The following CMKLR1 variants were observed in gnomAD, a reference collection of about 807,000 sequenced individuals.
CMKLR1 encodes the protein chemerin-like receptor 1.
Under a neutral mutation model 8.2 loss-of-function variants are expected in CMKLR1, and 6 were observed. The observed-to-expected ratio is 0.73, with a 90% CI of 0.40 to 1.44. CMKLR1 has a LOEUF of 1.44. CMKLR1 is among the 40% of genes most tolerant of loss of function. The pLI is 0.02. For synonymous variants in CMKLR1, 178 were observed against 181.2 expected, an observed-to-expected ratio of 0.98 and a Z score of 0.14; for missense variants, 429 against 478.0, an observed-to-expected ratio of 0.90 and a Z score of 0.96.
chr12:108,316,852 T>C (rs1593172306), intron 2 of CMKLR1, among the ~76,000 whole-genome samples: 1 of 152,180 alleles, frequency 6.6e-6, no homozygotes, highest in Non-Finnish European at 1.5e-5. Context: ...GAACCGCCAG[T>C]GGGAGCTCAA....
Position 108,289,998 on chromosome 12 carries a change from CAAGG to C in CMKLR1, c.*1839_*1842del, listed in dbSNP as rs1890916747. The C allele has an allele frequency of 6.6e-6, 1 of 152,228 alleles. No individual in the cohort carries two copies. The highest frequency in any genetic ancestry group is 1.5e-5 in the Non-Finnish European group (1 of 68,042). 9.4% of individuals were successfully genotyped at this position (152,228 alleles called of 1,614,324 possible). A position where few individuals can be genotyped will look rare whatever the true frequency, so the allele number is the denominator to read the frequency against. ...TAGGAGCCAAAGGGCCTCAGGCCCA[CAAGG>C]GACTGCCTCCTGCCAGCTTTCCCTC... On this transcript the variant is annotated 3_prime_UTR_variant, in exon 4 of 4. Transcript: ENST00000550402.
At chr12:108,331,725 G>A (rs966428630) in intron 1 of CMKLR1, among the ~76,000 whole-genome samples, 1 of 152,202 alleles carries the variant, frequency 6.6e-6, no homozygotes, top group Non-Finnish European at 1.5e-5. Flanking sequence ...GTGATTTGAT[G>A]TGACGAGGAC....
intron 2 of CMKLR1, among the ~76,000 whole-genome samples, chr12:108,302,072 C>T (rs145143724): frequency 6.6e-5 from 10 of 152,298 alleles, no homozygotes; most frequent in African/African-American, 1.9e-4. Context: ...CAAAAAACAG[C>T]GACCCTGACA....
At position 108,293,621 on chromosome 12, in the gene CMKLR1, T is replaced by C; in HGVS notation, c.-30A>G. 2.6e-6 allele frequency: 4 copies of C among 1,545,390 alleles called. No homozygotes were observed. The highest frequency in any genetic ancestry group is 3.5e-6 in the Non-Finnish European group (4 of 1,146,318). On this transcript the variant is annotated 5_prime_UTR_variant, in exon 3 of 4. Transcript: ENST00000550402. ...CGTTATGTTGTCTGCAGCTCTCCAA[T>C]GTGAGTCCTCAGCCAATCAGTCCCT...
rs2280169 is a variant in CMKLR1, at chr12:108,290,853, T to C, written c.*988A>G. 0.53 allele frequency: 80,577 copies of C among 152,192 alleles called. 22,044 individuals carry two copies. Among genetic ancestry groups the C allele is most frequent in the African/African-American group, 0.66 (27,572 of 41,494 alleles). The allele number at this position is 152,192 out of a possible 1,614,324, so 9.4% of individuals were successfully genotyped here. Reference sequence around the variant, plus strand: ...GCTTCCCAAAGCTGCATTTTGGACCTGTCTCCAAAGGCGTTGAGGAAATTA... The same window carrying C: ...GCTTCCCAAAGCTGCATTTTGGACCCGTCTCCAAAGGCGTTGAGGAAATTA... On this transcript the variant is annotated 3_prime_UTR_variant, in exon 4 of 4. Transcript: ENST00000550402.
At chr12:108,335,274 T>C (rs1892194326) in intron 1 of CMKLR1, among the ~76,000 whole-genome samples, 1 of 152,162 alleles carries the variant, frequency 6.6e-6, no homozygotes, top group South Asian at 2.1e-4. Flanking sequence ...CTGGCCTCCT[T>C]TGCAACTAGA....
intron 2 of CMKLR1, among the ~76,000 whole-genome samples, chr12:108,319,482 C>CACTT (rs1228587891): frequency 3.3e-5 from 5 of 152,228 alleles, no homozygotes; most frequent in African/African-American, 1.2e-4. Flanking sequence ...CCAGCTCTGT[C>CACTT]ACTTACTACC....
chr12:108,319,922 G>A lies in CMKLR1; in HGVS notation c.-74+10073C>T, dbSNP rs1593173996. 2.0e-5 allele frequency among the ~76,000 whole-genome samples: 3 copies of A among 152,272 alleles called. No individual in the cohort carries two copies. In the South Asian group the frequency reaches 6.2e-4, roughly 32 times the overall value. ...ACTGAGCACATATTACCTGCCAGGTGTCAGGCTGGGAGATAGAATACAAAG... is the reference window on the plus strand; with the variant it reads ...ACTGAGCACATATTACCTGCCAGGTATCAGGCTGGGAGATAGAATACAAAG... On this transcript the variant is annotated intron_variant, in intron 2 of 3. Transcript: ENST00000550402.
At chr12:108,335,052 T>A (rs1186782851) in intron 1 of CMKLR1, among the ~76,000 whole-genome samples, 7 of 152,144 alleles carry the variant, frequency 4.6e-5, no homozygotes, top group Non-Finnish European at 8.8e-5. Context: ...ATAGGTGATG[T>A]TGTGAGTCCA....
At chr12:108,305,240 G>A (rs973238194) in intron 2 of CMKLR1, among the ~76,000 whole-genome samples, 5 of 152,226 alleles carry the variant, frequency 3.3e-5, no homozygotes, top group Admixed American at 6.5e-5. Context: ...CTGCCTCAGT[G>A]TGATCCACAT....
chr12:108,312,497 G>C (rs988716671), intron 2 of CMKLR1, among the ~76,000 whole-genome samples: 1 of 152,170 alleles, frequency 6.6e-6, no homozygotes, highest in African/African-American at 2.4e-5. Flanking sequence ...GAGAGTCTGG[G>C]GCTCATGGAA....
At chr12:108,330,825 A>C (rs1020196043) in intron 1 of CMKLR1, among the ~76,000 whole-genome samples, 3 of 152,200 alleles carry the variant, frequency 2.0e-5, no homozygotes, top group Admixed American at 6.5e-5. Context: ...ATAGTAGAAC[A>C]GCTGAATGGG....
rs149097901 is a variant in CMKLR1 at position 108,303,545 on chromosome 12, G to A, written c.-73-9881C>T. 5.3e-5 allele frequency among the ~76,000 whole-genome samples: 8 copies of A among 152,322 alleles called. No homozygotes were observed. The East Asian group carries it at 5.8e-4, about 11-fold the overall frequency. On this transcript the variant is annotated intron_variant, in intron 2 of 3. Coordinates refer to ENST00000550402, the MANE Select transcript of CMKLR1 (RefSeq NM_001142343.2). ...ACAGAGAGCTCAGGTAAGTAAGGTAGGTCCAATTAGCCATTCTGAAGGAAT... is the reference window on the plus strand; with the variant it reads ...ACAGAGAGCTCAGGTAAGTAAGGTAAGTCCAATTAGCCATTCTGAAGGAAT...
At chr12:108,297,340 A>T (rs891543133) in intron 2 of CMKLR1, among the ~76,000 whole-genome samples, 3 of 152,186 alleles carry the variant, frequency 2.0e-5, no homozygotes, top group African/African-American at 7.2e-5. Context: ...CATATAACAT[A>T]AAAAAATACG....
Position 108,339,300 on chromosome 12 carries a change from G to C in CMKLR1, c.-560C>G, listed in dbSNP as rs978346311. On this transcript the variant is annotated 5_prime_UTR_variant, in exon 1 of 4. Transcript: ENST00000550402. ...GAGCTCCCTGCTGGCCGCCGGGGCTGCTTCCCTGAATGGGACTGGGACAGA... is the reference window on the plus strand; with the variant it reads ...GAGCTCCCTGCTGGCCGCCGGGGCTCCTTCCCTGAATGGGACTGGGACAGA... 6.5e-6 allele frequency: 1 copy of C among 152,732 alleles called. No individual in the cohort carries two copies. The highest frequency in any genetic ancestry group is 1.5e-5 in the Non-Finnish European group (1 of 68,416). The allele number at this position is 152,732 out of a possible 1,614,324, so 9.5% of individuals were successfully genotyped here.
chr12:108,321,933 G>C (rs975404736), intron 2 of CMKLR1, among the ~76,000 whole-genome samples: 1 of 152,182 alleles, frequency 6.6e-6, no homozygotes, highest in Non-Finnish European at 1.5e-5. Context: ...TCATAGGGGT[G>C]GATCCCTCCT....
chr12:108,315,622 A>T (rs1207375942), intron 2 of CMKLR1, among the ~76,000 whole-genome samples: 1 of 152,182 alleles, frequency 6.6e-6, no homozygotes, highest in Non-Finnish European at 1.5e-5. Flanking sequence ...GAGAAAATGG[A>T]GGCTCAGAAA....
chr12:108,314,852 A>C (rs979322918), intron 2 of CMKLR1, among the ~76,000 whole-genome samples: 2 of 151,904 alleles, frequency 1.3e-5, no homozygotes, highest in African/African-American at 2.4e-5. Context: ...TTGCTTCCCA[A>C]AGTGCTGGGC....
At chr12:108,333,898 G>C (rs1566031823) in intron 1 of CMKLR1, among the ~76,000 whole-genome samples, 1 of 152,248 alleles carries the variant, frequency 6.6e-6, no homozygotes, top group Non-Finnish European at 1.5e-5. Flanking sequence ...GAAATAACTG[G>C]TTTCGTGCTA....
Sources: allele counts gnomAD v4.1 joint callset (sites outside exome capture counted in the v4.1 genomes callset), GRCh38; gene constraint gnomAD v4.1.1; transcripts MANE v1.5; gene names NCBI Gene and HGNC (gene_info 2026-07-23, HGNC 2026-07-21).